LRP5: variants seen among roughly 807,000 people sequenced by gnomAD.
LRP5 encodes the protein LDL receptor related protein 5.
A neutral mutation model predicts 154.1 loss-of-function variants in LRP5; 62 were observed. That is an observed-to-expected ratio of 0.40 (90% CI 0.33 to 0.50). The LOEUF (loss-of-function observed/expected upper bound fraction) is 0.50. Ranked by LOEUF, LRP5 falls within the 20% of genes least tolerant of loss-of-function variation. The pLI, the probability that LRP5 is intolerant of heterozygous loss-of-function variation, is 0.55. For missense variants in LRP5, 1,915 were observed against 2,336.7 expected, an observed-to-expected ratio of 0.82 and a Z score of 3.72; for synonymous variants, 966 against 1,011.5, an observed-to-expected ratio of 0.96 and a Z score of 0.85.
chr11:68,339,602 T>C (rs957599903), intron 1 of LRP5, among the ~76,000 whole-genome samples: 1 of 152,144 alleles, frequency 6.6e-6, no homozygotes, highest in Non-Finnish European at 1.5e-5. Flanking sequence ...CGCCTCAGCC[T>C]CCCAAAGTCC....
Position 68,404,578 on chromosome 11 carries a change from G to A in LRP5, c.1801+879G>A, listed in dbSNP as rs1484249114. On this transcript the variant is annotated intron_variant, in intron 8 of 22. Coordinates refer to ENST00000294304, the MANE Select transcript of LRP5 (RefSeq NM_002335.4). ...GGCAGTGTGGGCGACCCCTGGAGCA[G>A]TGAGTGCTTCCTTCATGGCCTTCAT... Among the ~76,000 whole-genome samples, 3 of 152,218 alleles carry A rather than the reference G, an allele frequency of 2.0e-5. No homozygotes were observed. The South Asian group carries it at 6.2e-4, about 32-fold the overall frequency.
intron 20 of LRP5, among the ~76,000 whole-genome samples, chr11:68,438,901 A>T (rs1329681678): frequency 6.6e-6 from 1 of 152,200 alleles, no homozygotes; most frequent in Non-Finnish European, 1.5e-5. Flanking sequence ...ACCCTTTGGC[A>T]CTGTAGGTGT....
At chr11:68,342,716 C>T (rs1357018805) in intron 1 of LRP5, among the ~76,000 whole-genome samples, 16 of 152,202 alleles carry the variant, frequency 1.1e-4, no homozygotes, top group African/African-American at 3.4e-4. Context: ...TGGGGCCTGC[C>T]GCTCCTGCCC....
chr11:68,350,328 C>T (rs943843197), intron 2 of LRP5, among the ~76,000 whole-genome samples: 2 of 152,240 alleles, frequency 1.3e-5, no homozygotes, highest in African/African-American at 4.8e-5. Context: ...TGAGCCACTG[C>T]ACCCAGCCTG....
At chr11:68,327,937 C>T (rs928367811) in intron 1 of LRP5, among the ~76,000 whole-genome samples, 2 of 152,194 alleles carry the variant, frequency 1.3e-5, no homozygotes, top group African/African-American at 4.8e-5. Context: ...CTTCCAGACT[C>T]GACACGTAAA....
intron 9 of LRP5, among the ~76,000 whole-genome samples, chr11:68,409,076 A>ATG (rs1565086110): frequency 1.8e-4 from 7 of 38,006 alleles, no homozygotes; most frequent in African/African-American, 5.1e-4. Flanking sequence ...AAAAAAAAAT[A>ATG]TATATATATA....
chr11:68,387,365 T>C lies in LRP5; in HGVS notation c.1412+653T>C, dbSNP rs185080750. Among the ~76,000 whole-genome samples, 579 of 152,170 alleles carry C rather than the reference T, an allele frequency of 3.8e-3. 7 individuals carry two copies. Among genetic ancestry groups the C allele is most frequent in the African/African-American group, 0.014 (566 of 41,484 alleles). On this transcript the variant is annotated intron_variant, in intron 6 of 22. Transcript: ENST00000294304. ...CCTGACCTCAGGTGATCCACCTGCC[T>C]CAGCCTCCCAAAGTGCTGGGATTAC...
intron 19 of LRP5, among the ~76,000 whole-genome samples, chr11:68,437,822 C>T (rs1207642752): frequency 1.1e-4 from 16 of 152,256 alleles, no homozygotes; most frequent in Non-Finnish European, 2.2e-4. Context: ...GGGCCTGTGC[C>T]GTGGGCCCCA....
At chr11:68,324,788 T>C (rs962041172) in intron 1 of LRP5, among the ~76,000 whole-genome samples, 2 of 152,128 alleles carry the variant, frequency 1.3e-5, no homozygotes, top group African/African-American at 4.8e-5. Context: ...TCGAAGGCCT[T>C]CTTGGACTCA....
intron 1 of LRP5, among the ~76,000 whole-genome samples, chr11:68,335,880 G>A (rs553361984): frequency 3.9e-5 from 6 of 152,324 alleles, no homozygotes; most frequent in Admixed American, 2.0e-4. Context: ...AGTTTGGAAC[G>A]TGTGATGGTG....
intron 8 of LRP5, chr11:68,404,545 G>A (rs1161406138): frequency 2.1e-6 from 1 of 484,016 alleles, no homozygotes; most frequent in Non-Finnish European, 4.1e-6. Flanking sequence ...GTGGAAGCCT[G>A]GAGCTGAGGC....
Position 68,406,802 on chromosome 11 carries a change from G to A in LRP5, c.2080G>A (p.Val694Ile), listed in dbSNP as rs141796804. 28 of 1,613,898 alleles carry A rather than the reference G, an allele frequency of 1.7e-5. No homozygotes were observed. Among genetic ancestry groups the A allele is most frequent in the East Asian group, 2.2e-5 (1 of 44,874 alleles). The change falls in exon 9 of 23, where the codon GTC becomes ATC. Residue 694 changes from valine to isoleucine, a missense_variant. By Grantham distance (29) the Val-to-Ile change is conservative. Coordinates refer to ENST00000294304, the MANE Select transcript of LRP5 (RefSeq NM_002335.4). The part of the protein sequence containing the change: ...VSNNHIYWTD[V>I]SLKTISRAFM... The stretch of plus-strand genomic sequence containing the variant: ...CAACAACCACATCTACTGGACAGAC[G>A]TCAGCCTGAAGGTAGCGTGGGCCAG...
At chr11:68,365,802 C>T (rs962797914) in intron 5 of LRP5, 100 bp downstream of exon 5, 86 of 1,222,968 alleles carry the variant, frequency 7.0e-5, no homozygotes, top group Non-Finnish European at 5.0e-5. Context: ...TCGGCAAACC[C>T]GTTCGAAATG....
intron 1 of LRP5, among the ~76,000 whole-genome samples, chr11:68,324,371 TG>T (rs2098598453): frequency 6.6e-6 from 1 of 152,214 alleles, no homozygotes; most frequent in South Asian, 2.1e-4. Context: ...AGTGTGGCCC[TG>T]TGTGCTGACC....
chr11:68,356,910 A>G (rs1591218301), intron 2 of LRP5, among the ~76,000 whole-genome samples: 1 of 149,018 alleles, frequency 6.7e-6, no homozygotes, highest in African/African-American at 2.5e-5. Flanking sequence ...ATGTCTTTTC[A>G]TGGCTTGATA....
intron 12 of LRP5, among the ~76,000 whole-genome samples, chr11:68,415,286 CTT>C (rs2098661917): frequency 6.6e-6 from 1 of 152,198 alleles, no homozygotes; most frequent in Admixed American, 6.5e-5. Context: ...CGAGGAGTGT[CTT>C]CTCTCGGGCT....
At chr11:68,443,021 A>T (rs538348655) in intron 21 of LRP5, among the ~76,000 whole-genome samples, 199 of 152,110 alleles carry the variant, frequency 1.3e-3, no homozygotes, top group Non-Finnish European at 2.6e-3. Context: ...TGGCTGTTTC[A>T]ACCACTCCTG....
chr11:68,416,289 A>T, intron 12 of LRP5, 39 bp from the exon 13 acceptor site: 1 of 1,586,166 alleles, frequency 6.3e-7, no homozygotes, highest in Non-Finnish European at 8.7e-7. Context: ...TCTGTGGCTT[A>T]CAGACACCCA....
At chr11:68,301,648 A>G in the LRP5 span, among the ~76,000 whole-genome samples, 1 of 143,540 alleles carries the variant, frequency 7.0e-6, no homozygotes. Flanking sequence ...TTTGAGATGG[A>G]GTTTCACTCT....
Sources: gnomAD v4.1 joint callset for allele counts (sites outside exome capture counted in the v4.1 genomes callset) on GRCh38, gnomAD v4.1.1 for gene constraint, MANE v1.5 for transcripts, NCBI Gene and HGNC (gene_info 2026-07-23, HGNC 2026-07-21) for gene names.